The following LATS1 variants were observed in gnomAD, a reference collection of about 807,000 sequenced individuals.
LATS1 encodes serine/threonine-protein kinase LATS1.
Under a neutral mutation model 106.6 loss-of-function variants are expected in LATS1, and 25 were observed. The observed-to-expected ratio is 0.23, with a 90% CI of 0.17 to 0.33. The LOEUF (loss-of-function observed/expected upper bound fraction) is 0.33. LATS1 is among the 10% of genes least tolerant of loss of function. LATS1 has a pLI of 1.00. For missense variants in LATS1, 1,040 were observed against 1,382.6 expected, an observed-to-expected ratio of 0.75 and a Z score of 3.93; for synonymous variants, 465 against 455.6, an observed-to-expected ratio of 1.02 and a Z score of -0.26.
At chr6:149,696,675 T>G (rs1255045680) in intron 2 of LATS1, among the ~76,000 whole-genome samples, 1 of 151,868 alleles carries the variant, frequency 6.6e-6, no homozygotes, top group African/African-American at 2.4e-5. Context: ...TCTTAGAGAT[T>G]ACGTTTTCAG....
intron 7 of LATS1, among the ~76,000 whole-genome samples, chr6:149,672,816 T>C (rs1023725367): frequency 2.2e-4 from 33 of 151,920 alleles, no homozygotes; most frequent in African/African-American, 8.0e-4. Context: ...TGGTGGCGCA[T>C]GCCTGTAGTC....
intron 3 of LATS1, among the ~76,000 whole-genome samples, chr6:149,689,415 T>C (rs1196562111): frequency 8.1e-6 from 1 of 123,604 alleles, no homozygotes; most frequent in Non-Finnish European, 1.7e-5. Context: ...CTCATGCCTG[T>C]CTCAAAAAAA....
intron 7 of LATS1, among the ~76,000 whole-genome samples, chr6:149,671,909 G>A (rs774847647): frequency 4.0e-5 from 6 of 150,446 alleles, no homozygotes; most frequent in Non-Finnish European, 8.9e-5. Context: ...TTTTTTTTGA[G>A]ACAGAGTCTC....
At chr6:149,711,233 G>C (rs955447101) in intron 1 of LATS1, among the ~76,000 whole-genome samples, 3 of 150,058 alleles carry the variant, frequency 2.0e-5, no homozygotes, top group Non-Finnish European at 3.0e-5. Flanking sequence ...TAAAGAAACT[G>C]TTTTGTTAAA....
intron 5 of LATS1, among the ~76,000 whole-genome samples, chr6:149,677,083 T>C (rs1313997591): frequency 1.3e-5 from 2 of 152,256 alleles, no homozygotes; most frequent in Admixed American, 6.5e-5. Context: ...GATCCATCTT[T>C]CATTCAATAA....
At position 149,684,566 on chromosome 6, in the gene LATS1, T is replaced by C. The variant is rs1782254770; in HGVS notation, c.523A>G (p.Lys175Glu). The C allele has an allele frequency of 1.2e-6, 2 of 1,602,556 alleles. No homozygotes were observed. The highest frequency in any genetic ancestry group is 1.7e-6 in the Non-Finnish European group (2 of 1,171,806). ...PGNVQQSVNRKQSWKGSKESL... is the reference protein window; with the variant it reads ...PGNVQQSVNREQSWKGSKESL... ...TCTTTAGAACCTTTCCAGCTCTGTT[T>C]GCGGTTAACTGATTGCTGCACATTC... The change falls in exon 4 of 8, where the codon AAA becomes GAA. Residue 175 changes from lysine to glutamate, a missense_variant. Coordinates refer to ENST00000543571, the MANE Select transcript of LATS1 (RefSeq NM_004690.4).
chr6:149,676,275 T>C lies in LATS1; in HGVS notation c.2868A>G (p.Leu956=). 6.2e-7 allele frequency: 1 copy of C among 1,609,034 alleles called. No homozygotes were observed. Among genetic ancestry groups the C allele is most frequent in the Non-Finnish European group, 8.5e-7 (1 of 1,175,320 alleles). Residue 956 remains leucine (L), a synonymous_variant, in exon 7 of 8, where the codon TTA becomes TTG. Transcript: ENST00000543571. ...CATACCTTACCTTCATTTGTGTTTCTAATGGTGTTTGTGCCAAGAAAGGAG... is the reference window on the plus strand; with the variant it reads ...CATACCTTACCTTCATTTGTGTTTCCAATGGTGTTTGTGCCAAGAAAGGAG... ...GQPPFLAQTP[L]ETQMKVINWQ...
intron 7 of LATS1, among the ~76,000 whole-genome samples, chr6:149,670,338 TCA>T (rs1377666682): frequency 2.6e-5 from 4 of 151,694 alleles, no homozygotes; most frequent in Admixed American, 6.6e-5. Flanking sequence ...GTAGGAAGCA[TCA>T]GAGGTCCACC....
intron 5 of LATS1, among the ~76,000 whole-genome samples, chr6:149,677,417 A>C (rs1438384330): frequency 6.6e-6 from 1 of 152,256 alleles, no homozygotes; most frequent in Non-Finnish European, 1.5e-5. Flanking sequence ...CAAGAACTGT[A>C]AGAAATGCGG....
intron 7 of LATS1, among the ~76,000 whole-genome samples, chr6:149,673,948 T>A (rs1781573992): frequency 6.6e-6 from 1 of 151,906 alleles, no homozygotes; most frequent in Non-Finnish European, 1.5e-5. Flanking sequence ...GTGCTGGGAT[T>A]ACAGGCATGA....
chr6:149,701,078 C>T (rs1342067872), intron 2 of LATS1, among the ~76,000 whole-genome samples: 1 of 152,210 alleles, frequency 6.6e-6, no homozygotes, highest in Non-Finnish European at 1.5e-5. Context: ...CCACTGCACC[C>T]GGCCTGGCCT....
At chr6:149,707,643 T>C (rs887356097) in intron 1 of LATS1, among the ~76,000 whole-genome samples, 19 of 152,230 alleles carry the variant, frequency 1.2e-4, no homozygotes, top group African/African-American at 4.6e-4. Context: ...GGTATATGTG[T>C]AACAATGTGT....
chr6:149,680,925 T>G (rs930543409), intron 4 of LATS1, among the ~76,000 whole-genome samples: 3 of 152,088 alleles, frequency 2.0e-5, no homozygotes, highest in Admixed American at 6.6e-5. Context: ...TTCTAAAAAA[T>G]TAATGTACCA....
chr6:149,708,747 C>G (rs748442146), intron 1 of LATS1, among the ~76,000 whole-genome samples: 3 of 152,148 alleles, frequency 2.0e-5, no homozygotes, highest in Non-Finnish European at 4.4e-5. Flanking sequence ...GGATGGAGAA[C>G]CCTACTGACT....
intron 7 of LATS1, among the ~76,000 whole-genome samples, chr6:149,666,857 T>C (rs1051110558): frequency 6.8e-6 from 1 of 148,020 alleles, no homozygotes; most frequent in African/African-American, 2.5e-5. Flanking sequence ...GGCAGGAGAA[T>C]GGTGTAAACT....
chr6:149,694,017 G>A (rs1257360636), intron 3 of LATS1, among the ~76,000 whole-genome samples: 1 of 152,048 alleles, frequency 6.6e-6, no homozygotes, highest in Non-Finnish European at 1.5e-5. Context: ...TTGAACCTGG[G>A]ATGCAGAGGT....
intron 4 of LATS1, chr6:149,682,819 C>G: frequency 2.1e-6 from 1 of 469,518 alleles, no homozygotes; most frequent in East Asian, 3.6e-5. Context: ...TTATGTACAC[C>G]TAAACTGTAT....
chr6:149,676,435 C>A, intron 6 of LATS1, 69 bp from the exon 7 acceptor site: 2 of 1,367,498 alleles, frequency 1.5e-6, no homozygotes, highest in Admixed American at 2.0e-5. Context: ...AACATTAAAT[C>A]ACCAATTTAT....
chr6:149,660,262 G>C lies in LATS1; in HGVS notation c.*1467C>G. 4.3e-6 allele frequency: 1 copy of C among 233,032 alleles called. No homozygotes were observed. The highest frequency in any genetic ancestry group is 8.5e-6 in the Non-Finnish European group (1 of 117,956). The allele number at this position is 233,032 out of a possible 1,614,324, so 14.4% of individuals were successfully genotyped here. On this transcript the variant is annotated 3_prime_UTR_variant, in exon 8 of 8. Transcript: ENST00000543571. The stretch of plus-strand genomic sequence containing the variant: ...ACACAGTAGTGGGTTTTCAGGCTGA[G>C]CTCTGAAAGGACCACCTGTAGAAAG...
Sources: gnomAD v4.1 joint callset for allele counts (sites outside exome capture counted in the v4.1 genomes callset) on GRCh38, gnomAD v4.1.1 for gene constraint, MANE v1.5 for transcripts, NCBI Gene and HGNC (gene_info 2026-07-23, HGNC 2026-07-21) for gene names.